The following RFX3 variants were observed in gnomAD, a reference collection of about 807,000 sequenced individuals.
RFX3 encodes the protein transcription factor RFX3.
A neutral mutation model predicts 98.6 loss-of-function variants in RFX3; 14 were observed. The ratio of observed to expected loss-of-function variants is 0.14; its 90% CI spans 0.09 to 0.22. RFX3 has a LOEUF of 0.22. RFX3 is among the 10% of genes least tolerant of loss of function. The pLI, the probability that RFX3 is intolerant of heterozygous loss-of-function variation, is 1.00. For missense variants in RFX3, 639 were observed against 926.9 expected (o/e 0.69, Z 4.03); for synonymous variants, 383 against 328.4 (o/e 1.17, Z -1.80).
chr9:3,308,773 T>G (rs778473897), intron 4 of RFX3, among the ~76,000 whole-genome samples: 4 of 152,102 alleles, frequency 2.6e-5, no homozygotes, highest in Admixed American at 6.6e-5. Context: ...GCCATGACTG[T>G]TGCTGTGAGT....
chr9:3,414,091 G>C (rs541954014), intron 1 of RFX3, among the ~76,000 whole-genome samples: 1 of 152,196 alleles, frequency 6.6e-6, no homozygotes, highest in South Asian at 2.1e-4. Context: ...TTATGTGTGT[G>C]TTGGTTGAGT....
chr9:3,343,012 C>T (rs2131097270), intron 3 of RFX3, among the ~76,000 whole-genome samples: 1 of 152,328 alleles, frequency 6.6e-6, no homozygotes, highest in Non-Finnish European at 1.5e-5. Flanking sequence ...TTGAAATGTA[C>T]ACTCACTCAC....
chr9:3,360,613 C>T (rs1836311031), intron 2 of RFX3, among the ~76,000 whole-genome samples: 1 of 152,056 alleles, frequency 6.6e-6, no homozygotes, highest in African/African-American at 2.4e-5. Context: ...CTTACTGATG[C>T]ATATTTAAAT....
intron 1 of RFX3, among the ~76,000 whole-genome samples, chr9:3,414,743 TGA>T (rs1473060788): frequency 2.3e-5 from 1 of 43,766 alleles, no homozygotes; most frequent in Admixed American, 2.8e-4. Context: ...TATGTATATA[TGA>T]GTATATATGA....
chr9:3,420,800 C>G (rs1261530740), intron 1 of RFX3: 1 of 985,096 alleles, frequency 1.0e-6, no homozygotes, highest in African/African-American at 1.7e-5. Flanking sequence ...CCATTCATTC[C>G]TGGTTCTTTT....
At chr9:3,453,211 T>G (rs532252583) in intron 1 of RFX3, among the ~76,000 whole-genome samples, 1 of 152,200 alleles carries the variant, frequency 6.6e-6, no homozygotes, top group African/African-American at 2.4e-5. Flanking sequence ...CTGTCATGTC[T>G]TCTACTCAGC....
intron 13 of RFX3, among the ~76,000 whole-genome samples, chr9:3,262,316 T>C (rs1823017039): frequency 6.6e-6 from 1 of 152,176 alleles, no homozygotes; most frequent in Non-Finnish European, 1.5e-5. Flanking sequence ...AAATATACTT[T>C]AAAGTACAAG....
chr9:3,497,663 T>C (rs538526497), intron 1 of RFX3, among the ~76,000 whole-genome samples: 12 of 152,028 alleles, frequency 7.9e-5, no homozygotes, highest in South Asian at 2.1e-4. Context: ...TGTGAAAGAA[T>C]ACACCACTTA....
intron 1 of RFX3, chr9:3,400,256 GA>G: frequency 1.0e-6 from 1 of 970,440 alleles, no homozygotes; most frequent in Non-Finnish European, 1.2e-6. Flanking sequence ...AGGAAGAAAA[GA>G]AAAAGTTGTC....
chr9:3,420,279 T>C (rs1843332819), intron 1 of RFX3, among the ~76,000 whole-genome samples: 1 of 152,142 alleles, frequency 6.6e-6, no homozygotes, highest in African/African-American at 2.4e-5. Context: ...TAACAGGACA[T>C]TCTACGGTTC....
chr9:3,487,601 A>G (rs1384601577), intron 1 of RFX3, among the ~76,000 whole-genome samples: 1 of 152,150 alleles, frequency 6.6e-6, no homozygotes, highest in Non-Finnish European at 1.5e-5. Flanking sequence ...CAATAACAAA[A>G]AGAGAGGTAT....
intron 1 of RFX3, among the ~76,000 whole-genome samples, chr9:3,504,246 T>C (rs997512962): frequency 7.5e-6 from 1 of 132,960 alleles, no homozygotes; most frequent in Non-Finnish European, 1.5e-5. Flanking sequence ...ATTATATATA[T>C]ATTTTATATA....
intron 1 of RFX3, among the ~76,000 whole-genome samples, chr9:3,476,651 C>T (rs1000352647): frequency 6.6e-6 from 1 of 152,124 alleles, no homozygotes; most frequent in African/African-American, 2.4e-5. Context: ...ATGAAGGAAT[C>T]CATCTTTTAT....
chr9:3,229,699 A>T (rs1818238759), intron 15 of RFX3, among the ~76,000 whole-genome samples: 1 of 152,226 alleles, frequency 6.6e-6, no homozygotes, highest in Non-Finnish European at 1.5e-5. Flanking sequence ...ATCTACTTTT[A>T]AAACAGTAAA....
intron 1 of RFX3, among the ~76,000 whole-genome samples, chr9:3,417,554 T>C (rs1052746986): frequency 6.6e-6 from 1 of 152,204 alleles, no homozygotes; most frequent in African/African-American, 2.4e-5. Context: ...AACTGAATAA[T>C]ACATTTCTAA....
intron 1 of RFX3, among the ~76,000 whole-genome samples, chr9:3,486,158 A>G (rs1310969029): frequency 1.4e-4 from 21 of 150,408 alleles, no homozygotes; most frequent in African/African-American, 5.1e-4. Flanking sequence ...AAAAAAGAAT[A>G]ATACAGATAT....
chr9:3,222,129 AT>A lies in RFX3; in HGVS notation c.*2912del, dbSNP rs1190737386. Reference sequence around the variant, plus strand: ...TTTATTTTCTTATATATTTTTCACAATTCAAATTCGAAATTGATGAAAATGT... The same window carrying A: ...TTTATTTTCTTATATATTTTTCACAATCAAATTCGAAATTGATGAAAATGT... On this transcript the variant is annotated 3_prime_UTR_variant, in exon 17 of 17. Coordinates refer to ENST00000617270, the MANE Select transcript of RFX3 (RefSeq NM_001282116.2). The A allele has an allele frequency of 1.3e-5, 2 of 152,184 alleles. No individual in the cohort carries two copies. The highest frequency in any genetic ancestry group is 4.8e-5 in the African/African-American group (2 of 41,472). 9.4% of individuals were successfully genotyped at this position (152,184 alleles called of 1,614,324 possible). A position where few individuals can be genotyped will look rare whatever the true frequency, so the allele number is the denominator to read the frequency against.
intron 15 of RFX3, among the ~76,000 whole-genome samples, chr9:3,241,655 G>C (rs889155518): frequency 1.3e-5 from 2 of 152,202 alleles, no homozygotes; most frequent in Admixed American, 1.3e-4. Context: ...GTCAGAAATT[G>C]TGCTAATGTA....
chr9:3,345,874 G>A (rs1443858780), intron 3 of RFX3, among the ~76,000 whole-genome samples: 1 of 152,164 alleles, frequency 6.6e-6, no homozygotes, highest in Non-Finnish European at 1.5e-5. Flanking sequence ...CAAGGAAAGA[G>A]TAGATGTAGT....
Sources: allele counts gnomAD v4.1 joint callset (sites outside exome capture counted in the v4.1 genomes callset), GRCh38; gene constraint gnomAD v4.1.1; transcripts MANE v1.5; gene names NCBI Gene and HGNC (gene_info 2026-07-23, HGNC 2026-07-21).